The following DMD variants were observed in gnomAD, a reference collection of about 807,000 sequenced individuals.
DMD encodes the protein dystrophin.
DMD carries 63 observed loss-of-function variants against 330.1 expected under a neutral mutation model. The observed-to-expected ratio is 0.19, with a 90% CI of 0.16 to 0.24. DMD has a LOEUF of 0.24. Ranked by LOEUF, DMD falls within the 10% of genes least tolerant of loss-of-function variation. The pLI, the probability that DMD is intolerant of heterozygous loss-of-function variation, is 1.00. For synonymous variants in DMD, 1,223 were observed against 959.8 expected, an observed-to-expected ratio of 1.27 and a Z score of -5.07; for missense variants, 3,344 against 2,684.1, an observed-to-expected ratio of 1.25 and a Z score of -5.43.
intron 16 of DMD, among the ~76,000 whole-genome samples, chrX:32,553,709 T>C (rs1313222998): frequency 8.9e-6 from 1 of 112,088 alleles, no homozygotes; most frequent in African/African-American, 3.2e-5. Context: ...AAATTCATTT[T>C]GTTTATGCTG....
chrX:33,287,435 CA>C (rs763998083), intron 1 of DMD, among the ~76,000 whole-genome samples: 10 of 110,258 alleles, frequency 9.1e-5, no homozygotes, highest in Non-Finnish European at 1.7e-4. Context: ...TATTCATGGC[CA>C]AACTCATGCC....
At chrX:32,879,382 T>C (rs1366869769) in intron 2 of DMD, among the ~76,000 whole-genome samples, 2 of 111,868 alleles carry the variant, frequency 1.8e-5, no homozygotes, top group Non-Finnish European at 3.8e-5. Context: ...TATTCACCAG[T>C]TTGACTTTGC....
At chrX:32,258,854 T>A (rs1034669224) in intron 43 of DMD, among the ~76,000 whole-genome samples, 13 of 111,106 alleles carry the variant, frequency 1.2e-4, no homozygotes, top group Non-Finnish European at 2.5e-4. Context: ...TGTCATTGTT[T>A]TGAACATAGC....
intron 2 of DMD, among the ~76,000 whole-genome samples, chrX:32,869,086 G>A (rs894220364): frequency 9.0e-6 from 1 of 111,403 alleles, no homozygotes; most frequent in Admixed American, 9.5e-5. Flanking sequence ...GCCTCCTTAG[G>A]TGACATTTCC....
chrX:33,176,583 T>TGTGTGC (rs1557286767), intron 1 of DMD, among the ~76,000 whole-genome samples: 19 of 109,720 alleles, frequency 1.7e-4, no homozygotes, highest in African/African-American at 5.7e-4. Flanking sequence ...TGTGTGTGTG[T>TGTGTGC]GCGCTCATGT....
At position 32,735,310 on chromosome X, in the gene DMD, G is replaced by T. The variant is rs765847976; in HGVS notation, c.650-36017C>A. ...AACATTCCATGCTCATGGGTAGGAAGAATCAATATCGTGAAAATGGCCATA... is the reference window on the plus strand; with the variant it reads ...AACATTCCATGCTCATGGGTAGGAATAATCAATATCGTGAAAATGGCCATA... On this transcript the variant is annotated intron_variant, in intron 7 of 78. Coordinates refer to ENST00000357033, the MANE Select transcript of DMD (RefSeq NM_004006.3). 6.4e-3 allele frequency among the ~76,000 whole-genome samples: 703 copies of T among 110,512 alleles called. 10 individuals carry two copies. The highest frequency in any genetic ancestry group is 0.023 in the African/African-American group (675 of 29,986).
chrX:32,540,651 C>T (rs369879586), intron 17 of DMD, among the ~76,000 whole-genome samples: 9 of 111,785 alleles, frequency 8.1e-5, no homozygotes, highest in African/African-American at 2.3e-4. Context: ...ATTGTATCCA[C>T]GGTATTTGCT....
At chrX:33,293,927 AG>A (rs2053549402) in intron 1 of DMD, among the ~76,000 whole-genome samples, 1 of 111,633 alleles carries the variant, frequency 9.0e-6, no homozygotes, top group African/African-American at 3.2e-5. Flanking sequence ...TATGAGAGGA[AG>A]GATCTGCGCT....
intron 55 of DMD, among the ~76,000 whole-genome samples, chrX:31,571,614 A>G (rs1197761969): frequency 9.0e-6 from 1 of 111,348 alleles, no homozygotes; most frequent in Non-Finnish European, 1.9e-5. Flanking sequence ...AGTACTGCAC[A>G]TCACGGATAT....
At chrX:31,901,468 T>C (rs2094421385) in intron 47 of DMD, among the ~76,000 whole-genome samples, 1 of 111,788 alleles carries the variant, frequency 8.9e-6, no homozygotes, top group Admixed American at 9.5e-5. Flanking sequence ...TCTGCTATAG[T>C]TTATTTGAGA....
chrX:32,410,639 T>C (rs1177774351), intron 30 of DMD, among the ~76,000 whole-genome samples: 1 of 111,841 alleles, frequency 8.9e-6, no homozygotes, highest in East Asian at 2.8e-4. Flanking sequence ...CATCATAGCA[T>C]GGACTTGGTG....
At chrX:32,651,196 G>C (rs2060130110) in intron 9 of DMD, among the ~76,000 whole-genome samples, 1 of 110,041 alleles carries the variant, frequency 9.1e-6, no homozygotes, top group East Asian at 2.8e-4. Flanking sequence ...AGGCTGGAGT[G>C]CAATGGTGGG....
At chrX:32,949,290 A>G (rs891643489) in intron 2 of DMD, among the ~76,000 whole-genome samples, 30 of 99,764 alleles carry the variant, frequency 3.0e-4, no homozygotes, top group Admixed American at 6.8e-4. Flanking sequence ...ACACACACAC[A>G]CGCACACATA....
At chrX:31,893,564 C>CA (rs1162640261) in intron 47 of DMD, among the ~76,000 whole-genome samples, 1 of 94,608 alleles carries the variant, frequency 1.1e-5, no homozygotes, top group Non-Finnish European at 2.1e-5. Context: ...TACTGTCACA[C>CA]AAAAAAAGGG....
At chrX:32,085,780 CTG>C (rs1194256084) in intron 44 of DMD, among the ~76,000 whole-genome samples, 3 of 109,281 alleles carry the variant, frequency 2.7e-5, no homozygotes, top group Non-Finnish European at 3.8e-5. Flanking sequence ...ATTTATCAAA[CTG>C]TGCATTTACG....
chrX:32,364,244 T>C (rs2097846784), intron 36 of DMD, among the ~76,000 whole-genome samples: 1 of 112,343 alleles, frequency 8.9e-6, no homozygotes, highest in Admixed American at 9.5e-5. Context: ...TAGTGTCAGA[T>C]TGTTCTTTGT....
intron 59 of DMD, among the ~76,000 whole-genome samples, chrX:31,459,705 T>A (rs1377193545): frequency 1.8e-5 from 2 of 112,032 alleles, no homozygotes; most frequent in African/African-American, 6.5e-5. Context: ...TAGTGTTAGA[T>A]CCTCCAGCCT....
chrX:32,734,117 C>A (rs1236509531), intron 7 of DMD, among the ~76,000 whole-genome samples: 1 of 108,134 alleles, frequency 9.2e-6, no homozygotes, highest in Non-Finnish European at 1.9e-5. Context: ...AAACTACCAT[C>A]AGAGAATACT....
intron 13 of DMD, among the ~76,000 whole-genome samples, chrX:32,574,384 C>A (rs1369624): frequency 7.2e-5 from 8 of 111,776 alleles, no homozygotes; most frequent in African/African-American, 2.3e-4. Context: ...TTAAAATTTT[C>A]TGTTTCTAAA....
Sources: allele counts gnomAD v4.1 joint callset (sites outside exome capture counted in the v4.1 genomes callset), GRCh38; gene constraint gnomAD v4.1.1; transcripts MANE v1.5; gene names NCBI Gene and HGNC (gene_info 2026-07-23, HGNC 2026-07-21).